Variants in TOLLIP observed in about 807,000 individuals in gnomAD.
TOLLIP encodes toll interacting protein.
In TOLLIP, 16 loss-of-function variants were observed where a neutral mutation model predicts 33.5. That is an observed-to-expected ratio of 0.48 (90% CI 0.32 to 0.72). TOLLIP has a LOEUF of 0.72. TOLLIP is among the 30% of genes least tolerant of loss of function. The pLI is 0.03. For missense variants in TOLLIP, 325 were observed against 396.6 expected (o/e 0.82, Z 1.53); for synonymous variants, 176 against 163.7 (o/e 1.07, Z -0.57).
chr11:1,298,947 G>A (rs1864189107), intron 1 of TOLLIP, among the ~76,000 whole-genome samples: 1 of 152,270 alleles, frequency 6.6e-6, no homozygotes, highest in Non-Finnish European at 1.5e-5. Flanking sequence ...CCAGATTGGA[G>A]ATGGCAGACA....
Position 1,275,306 on chromosome 11 carries a change from C to A in TOLLIP, c.*1733G>T, listed in dbSNP as rs566353449. On this transcript the variant is annotated 3_prime_UTR_variant, in exon 6 of 6. Coordinates refer to ENST00000317204, the MANE Select transcript of TOLLIP (RefSeq NM_019009.4). ...ACCGGTGCTGGTGGCCACACCTGGG[C>A]GCCTGGACACCGAAGCCCCCAGCAC... 2 of 152,238 alleles carry A rather than the reference C, an allele frequency of 1.3e-5. No homozygotes were observed. Among genetic ancestry groups the A allele is most frequent in the African/African-American group, 4.8e-5 (2 of 41,456 alleles). 9.4% of individuals were successfully genotyped at this position (152,238 alleles called of 1,614,324 possible). A position where few individuals can be genotyped will look rare whatever the true frequency, so the allele number is the denominator to read the frequency against.
intron 1 of TOLLIP, among the ~76,000 whole-genome samples, chr11:1,307,310 C>G (rs149545648): frequency 7.0e-4 from 106 of 152,364 alleles, no homozygotes; most frequent in African/African-American, 2.3e-3. Flanking sequence ...GGAAACAGCC[C>G]AGGAGGCACT....
chr11:1,308,553 G>A (rs560357534), intron 1 of TOLLIP, among the ~76,000 whole-genome samples: 1 of 152,194 alleles, frequency 6.6e-6, no homozygotes, highest in Non-Finnish European at 1.5e-5. Context: ...ACTCACGCCA[G>A]GAGCCCATCA....
intron 5 of TOLLIP, among the ~76,000 whole-genome samples, chr11:1,279,632 G>A (rs1437327269): frequency 6.6e-6 from 1 of 152,200 alleles, no homozygotes; most frequent in Admixed American, 6.5e-5. Context: ...CCACCTGCAC[G>A]CACGCGGACG....
At chr11:1,286,238 A>G (rs1863688749) in intron 4 of TOLLIP, 146 bp from the exon 5 acceptor site, 1 of 637,768 alleles carries the variant, frequency 1.6e-6, no homozygotes, top group Admixed American at 2.5e-5. Flanking sequence ...TCGCTACACG[A>G]GCCCTGAGTG....
chr11:1,288,089 G>A (rs940021136), intron 4 of TOLLIP, among the ~76,000 whole-genome samples: 1 of 152,126 alleles, frequency 6.6e-6, no homozygotes, highest in African/African-American at 2.4e-5. Context: ...GGAGATGGCT[G>A]GGAGCCAGGG....
chr11:1,300,425 C>A (rs1047947055), intron 1 of TOLLIP, among the ~76,000 whole-genome samples: 1 of 152,218 alleles, frequency 6.6e-6, no homozygotes, highest in Non-Finnish European at 1.5e-5. Flanking sequence ...AAAACAATTT[C>A]TCTTCAAGTC....
chr11:1,295,126 T>C (rs1339868619), intron 2 of TOLLIP, among the ~76,000 whole-genome samples: 2 of 152,250 alleles, frequency 1.3e-5, no homozygotes, highest in Admixed American at 1.3e-4. Context: ...CCTGCAGTCT[T>C]ACAGACGGTT....
chr11:1,281,526 G>A (rs1444069810), intron 5 of TOLLIP, among the ~76,000 whole-genome samples: 1 of 152,202 alleles, frequency 6.6e-6, no homozygotes, highest in African/African-American at 2.4e-5. Flanking sequence ...GTGAGCCCCC[G>A]AGACCTGCAC....
At chr11:1,301,338 T>C (rs987654976) in intron 1 of TOLLIP, among the ~76,000 whole-genome samples, 1 of 152,238 alleles carries the variant, frequency 6.6e-6, no homozygotes, top group Non-Finnish European at 1.5e-5. Flanking sequence ...CATTCAATTC[T>C]CCAAGCCAGA....
intron 1 of TOLLIP, among the ~76,000 whole-genome samples, chr11:1,307,189 C>T (rs959481830): frequency 7.2e-5 from 11 of 152,228 alleles, no homozygotes; most frequent in Admixed American, 3.9e-4. Context: ...AGACCCCCGT[C>T]GCTGACAACA....
intron 4 of TOLLIP, among the ~76,000 whole-genome samples, chr11:1,286,766 T>C (rs1326441486): frequency 1.3e-5 from 2 of 151,638 alleles, no homozygotes; most frequent in East Asian, 3.9e-4. Context: ...CCACTGCGGA[T>C]AAGTCATTGC....
chr11:1,304,591 T>C (rs935967616), intron 1 of TOLLIP, among the ~76,000 whole-genome samples: 1 of 152,168 alleles, frequency 6.6e-6, no homozygotes, highest in Admixed American at 6.5e-5. Flanking sequence ...GCACAGACAA[T>C]GATTAACTTC....
intron 5 of TOLLIP, among the ~76,000 whole-genome samples, 176 bp downstream of exon 5, chr11:1,285,825 CG>C (rs1203013651): frequency 2.0e-5 from 3 of 150,914 alleles, no homozygotes; most frequent in African/African-American, 7.3e-5. Flanking sequence ...AAAATTCAAA[CG>C]TAAGCCTTGG....
At chr11:1,296,489 G>A (rs1022748513) in intron 1 of TOLLIP, among the ~76,000 whole-genome samples, 7 of 152,266 alleles carry the variant, frequency 4.6e-5, no homozygotes, top group African/African-American at 1.7e-4. Context: ...GGTAAACCAT[G>A]CTCCACAGGT....
chr11:1,299,576 A>G (rs1403504761), intron 1 of TOLLIP, among the ~76,000 whole-genome samples: 2 of 152,240 alleles, frequency 1.3e-5, no homozygotes, highest in African/African-American at 4.8e-5. Context: ...TCACATAAAA[A>G]TATATGCTTT....
At chr11:1,285,682 C>T (rs950948460) in intron 5 of TOLLIP, among the ~76,000 whole-genome samples, 1 of 151,838 alleles carries the variant, frequency 6.6e-6, no homozygotes, top group Non-Finnish European at 1.5e-5. Context: ...GCGTGAGGTT[C>T]TCCTGCACAG....
intron 4 of TOLLIP, among the ~76,000 whole-genome samples, chr11:1,286,760 T>C (rs1183482403): frequency 6.6e-6 from 1 of 151,824 alleles, no homozygotes; most frequent in African/African-American, 2.4e-5. Flanking sequence ...AACTGTCCAC[T>C]GCGGATAAGT....
At chr11:1,285,590 C>T (rs1218062794) in intron 5 of TOLLIP, among the ~76,000 whole-genome samples, 3 of 152,084 alleles carry the variant, frequency 2.0e-5, no homozygotes, top group South Asian at 2.1e-4. Context: ...GACACAACGG[C>T]GCAGCGCAGG....
Sources: allele counts gnomAD v4.1 joint callset (sites outside exome capture counted in the v4.1 genomes callset), GRCh38; gene constraint gnomAD v4.1.1; transcripts MANE v1.5; gene names NCBI Gene and HGNC (gene_info 2026-07-23, HGNC 2026-07-21).